Variants in PRSS23 observed in about 807,000 individuals in gnomAD.
PRSS23 encodes the protein serine protease 23, also known as protease, serine 23.
PRSS23 carries 25 observed loss-of-function variants against 34.7 expected under a neutral mutation model. The ratio of observed to expected loss-of-function variants is 0.72; its 90% CI spans 0.53 to 1.01. PRSS23 has a LOEUF of 1.01. Ranked by LOEUF, PRSS23 falls within the 50% of genes least tolerant of loss-of-function variation. PRSS23 has a pLI of 0.00. For synonymous variants in PRSS23, 176 were observed against 186.6 expected (o/e 0.94, Z 0.46); for missense variants, 445 against 475.6 (o/e 0.94, Z 0.60).
At chr11:86,836,223 T>C (rs1459085635) in intron 2 of PRSS23, among the ~76,000 whole-genome samples, 5 of 152,142 alleles carry the variant, frequency 3.3e-5, no homozygotes, top group Non-Finnish European at 7.4e-5. Flanking sequence ...GTTTCTGTAC[T>C]CCTAAAATTG....
chr11:86,818,892 AGTTT>A (rs1948233752), intron 1 of PRSS23, among the ~76,000 whole-genome samples: 1 of 152,096 alleles, frequency 6.6e-6, no homozygotes, highest in South Asian at 2.1e-4. Context: ...CCTTCTTTCA[AGTTT>A]GTTCTCTTTT....
chr11:86,933,497 A>T (rs1442382620), intron 2 of PRSS23: 1 of 152,262 alleles, frequency 6.6e-6, no homozygotes, highest in Non-Finnish European at 1.5e-5. Context: ...GAAAAGAGGA[A>T]GGGAAAAGAG....
intron 1 of PRSS23, among the ~76,000 whole-genome samples, chr11:86,805,237 C>T (rs1211442856): frequency 6.6e-6 from 1 of 152,090 alleles, no homozygotes; most frequent in Non-Finnish European, 1.5e-5. Context: ...CTCAAGTCCT[C>T]GATAAGCCCA....
At chr11:86,814,690 G>C (rs1034401500), downstream of PRSS23, among the ~76,000 whole-genome samples, 1 of 152,160 alleles carries the variant, frequency 6.6e-6, no homozygotes, top group Non-Finnish European at 1.5e-5. Context: ...ATGGGGCACT[G>C]TGCACCAGGT....
chr11:86,834,959 C>T (rs1948393406), intron 2 of PRSS23, among the ~76,000 whole-genome samples: 6 of 152,212 alleles, frequency 3.9e-5, no homozygotes, highest in Admixed American at 3.9e-4. Context: ...TAACTTCCAT[C>T]AGTATACAAG....
intron 1 of PRSS23, among the ~76,000 whole-genome samples, chr11:86,802,866 T>C (rs2135594825): frequency 6.6e-6 from 1 of 152,304 alleles, no homozygotes; most frequent in Non-Finnish European, 1.5e-5. Flanking sequence ...CTGTTAATTA[T>C]GCAAAGTCCC....
At position 86,914,993 on chromosome 11, in the gene PRSS23, G is replaced by A. The variant is rs141238595; in HGVS notation, c.207-36223G>A. ...GGATTCAGTTTTACAGCATAGAGACGTGATTAACCTCATAGCCTGCCTTTC... is the reference window on the plus strand; with the variant it reads ...GGATTCAGTTTTACAGCATAGAGACATGATTAACCTCATAGCCTGCCTTTC... On this transcript the variant is annotated intron_variant, in intron 2 of 2. Coordinates refer to the PRSS23 transcript ENST00000533902. 1.8e-3 allele frequency among the ~76,000 whole-genome samples: 270 copies of A among 152,306 alleles called. 1 individual carries two copies. The highest frequency in any genetic ancestry group is 3.0e-3 in the Non-Finnish European group (206 of 68,030).
downstream of PRSS23, among the ~76,000 whole-genome samples, chr11:86,815,176 C>T (rs1252815870): frequency 1.3e-5 from 2 of 152,222 alleles, no homozygotes; most frequent in East Asian, 3.9e-4. Context: ...CAGTTCTTGC[C>T]ATCCAATGAG....
At chr11:86,920,174 C>T (rs945710309) in intron 2 of PRSS23, among the ~76,000 whole-genome samples, 3 of 152,186 alleles carry the variant, frequency 2.0e-5, no homozygotes, top group African/African-American at 7.2e-5. Context: ...TTCCAGCACT[C>T]CTACGAATTT....
chr11:86,926,692 C>T (rs996164649), intron 2 of PRSS23, among the ~76,000 whole-genome samples: 4 of 152,146 alleles, frequency 2.6e-5, no homozygotes, highest in African/African-American at 9.7e-5. Context: ...AGTACAAAAA[C>T]CTCCATTAGG....
chr11:86,858,022 T>A, intron 2 of PRSS23: 1 of 293,396 alleles, frequency 3.4e-6, no homozygotes, highest in Non-Finnish European at 6.7e-6. Flanking sequence ...AGGATGATAT[T>A]ACTCCCAATA....
rs1273218151 is a variant in PRSS23 at position 86,809,929 on chromosome 11, T to C, written c.*1134T>C. On this transcript the variant is annotated 3_prime_UTR_variant, in exon 2 of 2. Transcript: ENST00000280258. ...TTTGGAAACTTTTCTCTCTCATTTA[T>C]AGTGAAAATACTTGGAAGTTACTTT... 3 of 167,072 alleles carry C rather than the reference T, an allele frequency of 1.8e-5. No homozygotes were observed. Among genetic ancestry groups the C allele is most frequent in the Non-Finnish European group, 2.9e-5 (2 of 68,126 alleles). The allele number at this position is 167,072 out of a possible 1,614,324, so 10.3% of individuals were successfully genotyped here.
chr11:86,800,636 G>A lies in PRSS23; in HGVS notation c.-29G>A, dbSNP rs540030438. ...CGGCGCAGCGAGCCGCGGCCCGGGC[G>A]GGCTGCTCGGCGCGGGTGAGTGCGG... is the stretch of plus-strand genomic sequence containing the variant. On this transcript the variant is annotated 5_prime_UTR_variant, in exon 1 of 2. Coordinates refer to ENST00000280258, the MANE Select transcript of PRSS23 (RefSeq NM_007173.6). The A allele has an allele frequency of 3.3e-5, 33 of 985,198 alleles. No homozygotes were observed. In the African/African-American group the frequency reaches 5.4e-4, roughly 16 times the overall value. 61.0% of individuals were successfully genotyped at this position (985,198 alleles called of 1,614,324 possible). A position where few individuals can be genotyped will look rare whatever the true frequency, so the allele number is the denominator to read the frequency against.
intron 2 of PRSS23, among the ~76,000 whole-genome samples, chr11:86,858,439 T>C (rs1402916497): frequency 6.6e-6 from 1 of 151,902 alleles, no homozygotes; most frequent in African/African-American, 2.4e-5. Context: ...TGTGATATTG[T>C]ACATGATATC....
chr11:86,926,823 T>C (rs1026770316), intron 2 of PRSS23, among the ~76,000 whole-genome samples: 5 of 152,182 alleles, frequency 3.3e-5, no homozygotes, highest in Non-Finnish European at 5.9e-5. Context: ...TATTCAGGGT[T>C]GTCTATGAAA....
intron 2 of PRSS23, chr11:86,947,201 TCAAACAAA>T (rs34325935): frequency 0.22 from 36,655 of 165,018 alleles, 4,659 homozygotes; most frequent in African/African-American, 0.34. Flanking sequence ...AGACCCTGTC[TCAAACAAA>T]CAAACAAACA....
chr11:86,914,092 G>A lies in PRSS23; in HGVS notation c.207-37124G>A, dbSNP rs186449821. ...AAGATTAGCCAGACACAGACGTGGTGGCGTGTGCCTGTAGTCCCAGCTACT... is the reference window on the plus strand; with the variant it reads ...AAGATTAGCCAGACACAGACGTGGTAGCGTGTGCCTGTAGTCCCAGCTACT... On this transcript the variant is annotated intron_variant, in intron 2 of 2. Coordinates refer to the PRSS23 transcript ENST00000533902. 2.8e-3 allele frequency among the ~76,000 whole-genome samples: 417 copies of A among 151,574 alleles called. 2 individuals are homozygous for A. Among genetic ancestry groups the A allele is most frequent in the African/African-American group, 9.9e-3 (410 of 41,292 alleles).
At chr11:86,913,422 T>C (rs1407248442) in intron 2 of PRSS23, among the ~76,000 whole-genome samples, 1 of 150,730 alleles carries the variant, frequency 6.6e-6, no homozygotes, top group African/African-American at 2.5e-5. Flanking sequence ...TTCAATAGTC[T>C]ACTGTTTTTA....
At chr11:86,832,479 T>C in intron 2 of PRSS23, 1 of 217,582 alleles carries the variant, frequency 4.6e-6, no homozygotes, top group Non-Finnish European at 9.5e-6. Flanking sequence ...CTGCCTTTTT[T>C]AACCCACACT....
Sources: gnomAD v4.1 joint callset for allele counts (sites outside exome capture counted in the v4.1 genomes callset) on GRCh38, gnomAD v4.1.1 for gene constraint, MANE v1.5 for transcripts, NCBI Gene and HGNC (gene_info 2026-07-23, HGNC 2026-07-21) for gene names.